The following CBFA2T2 variants were observed in gnomAD, a reference collection of about 807,000 sequenced individuals.
CBFA2T2 encodes protein CBFA2T2.
Under a neutral mutation model 62.2 loss-of-function variants are expected in CBFA2T2, and 11 were observed. That is an observed-to-expected ratio of 0.18 (90% CI 0.11 to 0.29). CBFA2T2 has a LOEUF of 0.29. Ranked by LOEUF, CBFA2T2 falls within the 10% of genes least tolerant of loss-of-function variation. The pLI is 1.00. For missense variants in CBFA2T2, 592 were observed against 774.1 expected, an observed-to-expected ratio of 0.76 and a Z score of 2.79; for synonymous variants, 295 against 287.5, an observed-to-expected ratio of 1.03 and a Z score of -0.27.
At chr20:33,641,120 C>T (rs2016820840) in intron 10 of CBFA2T2, among the ~76,000 whole-genome samples, 1 of 152,036 alleles carries the variant, frequency 6.6e-6, no homozygotes. Flanking sequence ...GCAAGCTCCA[C>T]CTCCTGGGTT....
At chr20:33,524,897 C>T (rs897963412) in intron 1 of CBFA2T2, among the ~76,000 whole-genome samples, 5 of 152,144 alleles carry the variant, frequency 3.3e-5, no homozygotes, top group South Asian at 2.1e-4. Context: ...TACAGTGGCA[C>T]GATCTCAGCT....
intron 1 of CBFA2T2, among the ~76,000 whole-genome samples, chr20:33,600,957 T>C (rs1380289909): frequency 6.6e-6 from 1 of 152,172 alleles, no homozygotes; most frequent in Admixed American, 6.5e-5. Flanking sequence ...TATTATCATA[T>C]TGTTTTTTAA....
chr20:33,617,511 A>G (rs572064866), intron 3 of CBFA2T2, among the ~76,000 whole-genome samples: 1 of 152,272 alleles, frequency 6.6e-6, no homozygotes, highest in Admixed American at 6.5e-5. Context: ...CTAACTCACT[A>G]TTTCCCTGTG....
intron 1 of CBFA2T2, among the ~76,000 whole-genome samples, chr20:33,604,456 C>T (rs2015261991): frequency 6.6e-6 from 1 of 152,180 alleles, no homozygotes; most frequent in African/African-American, 2.4e-5. Context: ...ATCTCTCAGT[C>T]TTCATACCTG....
Position 33,640,526 on chromosome 20 carries a change from A to G in CBFA2T2, c.1483A>G (p.Thr495Ala). The change falls in exon 10 of 11, where the codon ACG becomes GCG. Residue 495 changes from threonine to alanine, a missense_variant. By Grantham distance (58) the Thr-to-Ala change is moderately conservative. Transcript: ENST00000342704. ...CGTCATCAATGAGCAAGAGGAGTCCACGGAGGTCAGAGCTCTGCGCCCTGG... is the reference window on the plus strand; with the variant it reads ...CGTCATCAATGAGCAAGAGGAGTCCGCGGAGGTCAGAGCTCTGCGCCCTGG... ...FLVINEQEES[T>A]ENCWNCGRKA... 1 of 1,614,120 alleles carries G rather than the reference A, an allele frequency of 6.2e-7. No homozygotes were observed. Among genetic ancestry groups the G allele is most frequent in the Non-Finnish European group, 8.5e-7 (1 of 1,180,006 alleles).
At chr20:33,508,683 CT>C (rs562239653) in intron 1 of CBFA2T2, among the ~76,000 whole-genome samples, 109 of 152,228 alleles carry the variant, frequency 7.2e-4, no homozygotes, top group Middle Eastern at 3.4e-3. Context: ...GCGGTATTTG[CT>C]TTTCTTTTCC....
chr20:33,615,440 C>T (rs1162208389), intron 3 of CBFA2T2, among the ~76,000 whole-genome samples: 1 of 152,070 alleles, frequency 6.6e-6, no homozygotes, highest in Non-Finnish European at 1.5e-5. Context: ...ATAATCAGTT[C>T]AACATTAAGT....
rs1568865289 is a variant in CBFA2T2 at position 33,629,860 on chromosome 20, A to T, written c.1174A>T (p.Thr392Ser). Reference protein sequence around the residue: ...NENTELRKTGTELVSRQHSPG... With the variant: ...NENTELRKTGSELVSRQHSPG... ...AAACACAGAGCTGAGGAAAACGGGG[A>T]CCGAGTTGGTCTCCAGGCAGCACAG... The change falls in exon 8 of 11, where the codon ACC becomes TCC. Residue 392 changes from threonine (T) to serine (S), a missense_variant. Transcript: ENST00000342704. 6.2e-7 allele frequency: 1 copy of T among 1,614,114 alleles called. No individual in the cohort carries two copies.
At chr20:33,514,705 T>C (rs2011570549) in intron 1 of CBFA2T2, among the ~76,000 whole-genome samples, 1 of 151,852 alleles carries the variant, frequency 6.6e-6, no homozygotes, top group South Asian at 2.1e-4. Context: ...ATTTTATTAT[T>C]ATTATTTTTA....
chr20:33,531,171 T>G (rs1218287534), intron 1 of CBFA2T2, among the ~76,000 whole-genome samples: 1 of 152,134 alleles, frequency 6.6e-6, no homozygotes, highest in East Asian at 1.9e-4. Flanking sequence ...AAATGCAGGG[T>G]GCAGTACAGT....
chr20:33,577,591 T>G (rs889670219), intron 1 of CBFA2T2, among the ~76,000 whole-genome samples: 45 of 152,260 alleles, frequency 3.0e-4, no homozygotes, highest in African/African-American at 1.1e-3. Context: ...TATAGTAGAA[T>G]GTGAAGTCTC....
intron 1 of CBFA2T2, among the ~76,000 whole-genome samples, chr20:33,504,592 T>C (rs1349163746): frequency 6.6e-6 from 1 of 151,772 alleles, no homozygotes; most frequent in Non-Finnish European, 1.5e-5. Context: ...TTAGTAGAGA[T>C]GGGGTTTCAC....
Position 33,644,623 on chromosome 20 carries a change from G to C in CBFA2T2, c.1765G>C (p.Ala589Pro). The C allele has an allele frequency of 6.2e-7, 1 of 1,608,268 alleles. No homozygotes were observed. ...TTCCTCAACACCTGCTTCTGTGACA[G>C]CTATCGACACCAACGGACTCTGAGC... ...SRSSTPASVT[A>P]IDTNGL is the part of the protein sequence containing the mutation. Residue 589 changes from alanine to proline, a missense_variant, in exon 11 of 11, where the codon GCT (alanine) becomes CCT (proline). Physicochemically the swap from Ala to Pro is conservative, Grantham distance 27. Transcript: ENST00000342704.
intron 1 of CBFA2T2, among the ~76,000 whole-genome samples, chr20:33,512,884 T>C (rs934020466): frequency 2.0e-5 from 3 of 151,536 alleles, no homozygotes; most frequent in Non-Finnish European, 4.4e-5. Flanking sequence ...TCCCAAGTAG[T>C]TGGGACTACA....
At position 33,644,880 on chromosome 20, in the gene CBFA2T2, C is replaced by T; in HGVS notation, c.*234C>T. 1.9e-6 allele frequency: 1 copy of T among 529,720 alleles called. No homozygotes were observed. The highest frequency in any genetic ancestry group is 2.8e-5 in the South Asian group (1 of 36,196). 32.8% of individuals were successfully genotyped at this position (529,720 alleles called of 1,614,324 possible). On this transcript the variant is annotated 3_prime_UTR_variant, in exon 11 of 11. Transcript: ENST00000342704. Reference sequence around the variant, plus strand: ...GGCAGCCAGCCTGAGCTGCCTCCTCCATGGCTTTCCTGGTTTGTTCCTCTC... The same window carrying T: ...GGCAGCCAGCCTGAGCTGCCTCCTCTATGGCTTTCCTGGTTTGTTCCTCTC...
chr20:33,530,482 A>G (rs1199172678), intron 1 of CBFA2T2, among the ~76,000 whole-genome samples: 1 of 152,150 alleles, frequency 6.6e-6, no homozygotes, highest in Non-Finnish European at 1.5e-5. Flanking sequence ...CAGTGGCACA[A>G]TCTTGGCTCA....
intron 9 of CBFA2T2, among the ~76,000 whole-genome samples, chr20:33,638,588 A>G (rs1361274880): frequency 1.3e-5 from 2 of 152,236 alleles, no homozygotes; most frequent in Non-Finnish European, 2.9e-5. Flanking sequence ...TCTTAAGGCC[A>G]GAGCCATAAG....
chr20:33,584,945 G>A (rs1323265618), intron 1 of CBFA2T2, among the ~76,000 whole-genome samples: 1 of 152,132 alleles, frequency 6.6e-6, no homozygotes, highest in Non-Finnish European at 1.5e-5. Flanking sequence ...GTAACCCAGG[G>A]CATTTGGTCT....
chr20:33,646,042 TGCCCAG>T lies in CBFA2T2; in HGVS notation c.*1399_*1404del, dbSNP rs933851142. The T allele has an allele frequency of 4.6e-5, 7 of 152,278 alleles. No individual in the cohort carries two copies. Among genetic ancestry groups the T allele is most frequent in the Admixed American group, 3.9e-4 (6 of 15,264 alleles). 9.4% of individuals were successfully genotyped at this position (152,278 alleles called of 1,614,324 possible). ...TTTTTAACACAAAGTCTCACTCTGT[TGCCCAG>T]GCTGGAGTGCAGTGGCATGATCTTG... On this transcript the variant is annotated 3_prime_UTR_variant, in exon 11 of 11. Transcript: ENST00000342704.
Sources: allele counts gnomAD v4.1 joint callset (sites outside exome capture counted in the v4.1 genomes callset), GRCh38; gene constraint gnomAD v4.1.1; transcripts MANE v1.5; gene names NCBI Gene and HGNC (gene_info 2026-07-23, HGNC 2026-07-21).